PDE11A: variants seen among roughly 807,000 people sequenced by gnomAD.
The protein encoded by PDE11A is phosphodiesterase 11A, also known as dual 3',5'-cyclic-AMP and -GMP phosphodiesterase 11A.
In PDE11A, 100 loss-of-function variants were observed where a neutral mutation model predicts 100.5. That is an observed-to-expected ratio of 1.00 (90% CI 0.85 to 1.18). PDE11A has a LOEUF of 1.18. PDE11A is among the 50% of genes most tolerant of loss of function. The pLI, the probability that PDE11A is intolerant of heterozygous loss-of-function variation, is 0.00. For missense variants in PDE11A, 1,141 were observed against 1,152.6 expected (o/e 0.99, Z 0.15); for synonymous variants, 381 against 420.8 (o/e 0.91, Z 1.16).
chr2:177,964,298 T>G (rs1423184444), intron 2 of PDE11A, among the ~76,000 whole-genome samples: 1 of 152,196 alleles, frequency 6.6e-6, no homozygotes, highest in Non-Finnish European at 1.5e-5. Flanking sequence ...ATAATACACA[T>G]ATCTATTTCT....
rs1388554633 is a variant in PDE11A at position 178,014,275 on chromosome 2, C to G, written c.1071+27G>C. On this transcript the variant is annotated intron_variant, in intron 2 of 19. Transcript: ENST00000286063. ...CAATCAATGACCAAGAAGAAAAGTA[C>G]AACTCACAAAAGGCATGAAATCTTA... 4 of 1,562,054 alleles carry G rather than the reference C, an allele frequency of 2.6e-6. No homozygotes were observed. In the African/African-American group the frequency reaches 5.4e-5, roughly 21 times the overall value.
At chr2:177,631,295 A>G (rs1034367476) in intron 19 of PDE11A, among the ~76,000 whole-genome samples, 2 of 39,136 alleles carry the variant, frequency 5.1e-5, no homozygotes, top group African/African-American at 1.4e-4. Context: ...AAAATGCAAA[A>G]AAAAAAAAAA....
chr2:177,986,499 C>A (rs1331196314), intron 2 of PDE11A, among the ~76,000 whole-genome samples: 1 of 152,080 alleles, frequency 6.6e-6, no homozygotes, highest in East Asian at 1.9e-4. Context: ...ACTACTCATG[C>A]GTTTTACCCT....
At chr2:177,740,507 G>A (rs568131778) in intron 10 of PDE11A, among the ~76,000 whole-genome samples, 37 of 152,286 alleles carry the variant, frequency 2.4e-4, no homozygotes, top group Admixed American at 1.1e-3. Flanking sequence ...ACTAGTCCCA[G>A]TTTAGCCTCC....
chr2:177,817,017 A>G, intron 8 of PDE11A, 96 bp from the exon 9 acceptor site: 1 of 767,806 alleles, frequency 1.3e-6, no homozygotes, highest in Non-Finnish European at 2.4e-6. Context: ...GTCTGAAAAT[A>G]CAATCTTGTT....
Position 177,858,797 on chromosome 2 carries a change from A to G in PDE11A, c.1367+17062T>C, listed in dbSNP as rs62183370. 6.4e-3 allele frequency among the ~76,000 whole-genome samples: 973 copies of G among 152,150 alleles called. 16 individuals are homozygous for G. Among genetic ancestry groups the G allele is most frequent in the African/African-American group, 0.022 (925 of 41,528 alleles). On this transcript the variant is annotated intron_variant, in intron 5 of 19. Coordinates refer to ENST00000286063, the MANE Select transcript of PDE11A (RefSeq NM_016953.4). Reference sequence around the variant, plus strand: ...TGCTGCTATAAAGACACATGCACACATATGTTTACTGCAGCACTATTCACA... The same window carrying G: ...TGCTGCTATAAAGACACATGCACACGTATGTTTACTGCAGCACTATTCACA...
chr2:177,775,414 A>C (rs1195881383), intron 9 of PDE11A, among the ~76,000 whole-genome samples: 2 of 152,094 alleles, frequency 1.3e-5, no homozygotes, highest in African/African-American at 4.8e-5. Context: ...AAAAAGTAGA[A>C]ATCAAATCAT....
In PDE11A at chr2:178,072,041, C is replaced by G; in HGVS notation, c.397G>C (p.Val133Leu). The change falls in exon 1 of 20, where the codon GTG (valine) becomes CTG (leucine). Residue 133 changes from valine to leucine, a missense_variant. Coordinates refer to ENST00000286063, the MANE Select transcript of PDE11A (RefSeq NM_016953.4). ...KSFARSKAIH[V>L]NRTYDEQVTS... ...ACCTGTTCATCGTAGGTCCTGTTCA[C>G]GTGGATGGCCTTGGAGCGGGCAAAA... 2 of 1,613,858 alleles carry G rather than the reference C, an allele frequency of 1.2e-6. No individual in the cohort carries two copies. The highest frequency in any genetic ancestry group is 1.7e-6 in the Non-Finnish European group (2 of 1,179,768).
intron 19 of PDE11A, among the ~76,000 whole-genome samples, chr2:177,642,465 G>A (rs949731541): frequency 7.2e-5 from 11 of 152,226 alleles, no homozygotes; most frequent in African/African-American, 2.7e-4. Context: ...AAACAATGGA[G>A]TTTAAAGGGC....
intron 5 of PDE11A, among the ~76,000 whole-genome samples, chr2:177,852,870 G>T (rs888740523): frequency 1.4e-4 from 22 of 152,116 alleles, no homozygotes; most frequent in Non-Finnish European, 2.9e-5. Flanking sequence ...CTTGCCTGAG[G>T]ACACTTCATC....
intron 10 of PDE11A, among the ~76,000 whole-genome samples, chr2:177,729,571 A>G (rs1366160540): frequency 1.3e-5 from 2 of 152,100 alleles, no homozygotes; most frequent in Non-Finnish European, 2.9e-5. Flanking sequence ...ATGTTTTTGT[A>G]TTACTGTCAC....
rs558863401 is a variant in PDE11A, at chr2:177,752,158, T to A, written c.1788+17165A>T. On this transcript the variant is annotated intron_variant, in intron 10 of 19. Transcript: ENST00000286063. ...ATCCGGCCTGCATCGTGACTCTCAG[T>A]GTATTTCATATCATCTCCAAAATAG... Among the ~76,000 whole-genome samples the A allele has an allele frequency of 3.3e-5, 5 of 152,346 alleles. No homozygotes were observed. In the East Asian group the frequency reaches 9.6e-4, roughly 29 times the overall value.
chr2:177,727,330 T>A (rs1236952609), intron 12 of PDE11A, among the ~76,000 whole-genome samples: 5 of 152,144 alleles, frequency 3.3e-5, no homozygotes, highest in Admixed American at 2.6e-4. Context: ...ATCTCTTTGT[T>A]CTGTTACTCA....
chr2:177,861,906 C>T (rs1222912145), intron 5 of PDE11A, among the ~76,000 whole-genome samples: 1 of 151,786 alleles, frequency 6.6e-6, no homozygotes, highest in Admixed American at 6.6e-5. Context: ...ACACCATGTA[C>T]AAAAATTTAA....
intron 10 of PDE11A, among the ~76,000 whole-genome samples, chr2:177,733,438 G>T (rs1440774275): frequency 6.6e-6 from 1 of 152,118 alleles, no homozygotes; most frequent in Non-Finnish European, 1.5e-5. Context: ...CAGTTAAGTG[G>T]TTATCAAAGG....
chr2:177,999,296 G>T (rs1039459771), intron 2 of PDE11A, among the ~76,000 whole-genome samples: 6 of 152,192 alleles, frequency 3.9e-5, no homozygotes, highest in African/African-American at 1.4e-4. Flanking sequence ...TTCATCCAAG[G>T]ATCGTGGTTC....
intron 9 of PDE11A, among the ~76,000 whole-genome samples, chr2:177,774,691 A>G (rs1355291967): frequency 1.3e-5 from 2 of 152,284 alleles, no homozygotes; most frequent in South Asian, 2.1e-4. Flanking sequence ...TGAGTTTTGC[A>G]CTCACATATT....
At chr2:177,716,243 T>A (rs560797789) in intron 12 of PDE11A, among the ~76,000 whole-genome samples, 2 of 152,320 alleles carry the variant, frequency 1.3e-5, no homozygotes, top group East Asian at 3.9e-4. Flanking sequence ...GCCCTCCAGC[T>A]ACAGAGAGGG....
chr2:178,092,302 A>G (rs1046919746), intron 2 of PDE11A, among the ~76,000 whole-genome samples: 11 of 152,134 alleles, frequency 7.2e-5, no homozygotes, highest in African/African-American at 2.7e-4. Context: ...ATCCTGACCT[A>G]TCCCCTTCCT....
Sources: gnomAD v4.1 joint callset for allele counts (sites outside exome capture counted in the v4.1 genomes callset) on GRCh38, gnomAD v4.1.1 for gene constraint, MANE v1.5 for transcripts, NCBI Gene and HGNC (gene_info 2026-07-23, HGNC 2026-07-21) for gene names.